The following PALM2AKAP2 variants were observed in gnomAD, a reference collection of about 807,000 sequenced individuals.
PALM2AKAP2 encodes the protein PALM2-AKAP2 fusion protein.
Under a neutral mutation model 71.5 loss-of-function variants are expected in PALM2AKAP2, and 37 were observed. The ratio of observed to expected loss-of-function variants is 0.52; its 90% CI spans 0.40 to 0.68. The LOEUF is 0.68. Among genes scored for constraint, PALM2AKAP2 ranks in the 30% least tolerant of loss-of-function variants. The pLI is 0.00. For missense variants in PALM2AKAP2, 1,224 were observed against 1,191.8 expected, an observed-to-expected ratio of 1.03 and a Z score of -0.40; for synonymous variants, 468 against 478.8, an observed-to-expected ratio of 0.98 and a Z score of 0.29.
At chr9:109,818,245 A>T (rs1827902396) in intron 1 of PALM2AKAP2, among the ~76,000 whole-genome samples, 1 of 151,924 alleles carries the variant, frequency 6.6e-6, no homozygotes, top group Non-Finnish European at 1.5e-5. Flanking sequence ...TTTTTTTTTG[A>T]CAAGTCAGCC....
intron 1 of PALM2AKAP2, among the ~76,000 whole-genome samples, chr9:110,110,810 G>C (rs746255743): frequency 7.2e-5 from 11 of 152,056 alleles, no homozygotes; most frequent in Non-Finnish European, 1.6e-4. Flanking sequence ...GCCTCCCAAA[G>C]TGCTGGGATT....
chr9:109,918,777 T>G (rs891855744), intron 3 of PALM2AKAP2, among the ~76,000 whole-genome samples: 3 of 152,232 alleles, frequency 2.0e-5, no homozygotes, highest in Non-Finnish European at 4.4e-5. Context: ...AGGCCACATG[T>G]GAACTTATAG....
intron 1 of PALM2AKAP2, among the ~76,000 whole-genome samples, chr9:109,855,658 G>T (rs182201807): frequency 1.3e-5 from 2 of 152,298 alleles, no homozygotes; most frequent in Admixed American, 1.3e-4. Context: ...CATTGCCTGA[G>T]TCCATCTAGA....
At chr9:109,655,094 C>T (rs1311500578) in intron 1 of PALM2AKAP2, among the ~76,000 whole-genome samples, 1 of 152,000 alleles carries the variant, frequency 6.6e-6, no homozygotes, top group Non-Finnish European at 1.5e-5. Flanking sequence ...TTGAGACCAT[C>T]CTGGCTGATG....
chr9:110,137,192 G>A (rs1433555605), exon 2 of PALM2AKAP2: 1 of 1,614,030 alleles, frequency 6.2e-7, no homozygotes, highest in Non-Finnish European at 8.5e-7. Context: ...CATTGTCACA[G>A]AGCAGATAGA....
intron 1 of PALM2AKAP2, among the ~76,000 whole-genome samples, chr9:109,756,920 G>T (rs1311005059): frequency 6.6e-6 from 1 of 152,182 alleles, no homozygotes; most frequent in African/African-American, 2.4e-5. Context: ...TCAAATCTGG[G>T]TATTTAAGAA....
chr9:110,084,835 A>C (rs1450614504), intron 1 of PALM2AKAP2, among the ~76,000 whole-genome samples: 2 of 151,934 alleles, frequency 1.3e-5, no homozygotes. Context: ...TCCCGGGTTC[A>C]AGCGATTCTC....
intron 1 of PALM2AKAP2, among the ~76,000 whole-genome samples, chr9:109,669,221 G>A (rs1297968911): frequency 2.0e-5 from 3 of 151,532 alleles, no homozygotes; most frequent in African/African-American, 7.3e-5. Flanking sequence ...TCTTCAGAAT[G>A]TTCTCATTTA....
chr9:110,055,186 T>TTTTATTTA (rs544781434), intron 1 of PALM2AKAP2, among the ~76,000 whole-genome samples: 18 of 151,324 alleles, frequency 1.2e-4, no homozygotes, highest in African/African-American at 4.4e-4. Flanking sequence ...TTTTTTAAAT[T>TTTTATTTA]TTTATTTATT....
chr9:110,170,432 T>C (rs1167077503), exon 4 of PALM2AKAP2: 1 of 152,578 alleles, frequency 6.6e-6, no homozygotes, highest in Non-Finnish European at 1.5e-5. Context: ...AGTGTTGACT[T>C]TGGGGGGGGA....
chr9:109,845,406 A>T (rs994536300), intron 1 of PALM2AKAP2, among the ~76,000 whole-genome samples: 3 of 152,224 alleles, frequency 2.0e-5, no homozygotes, highest in African/African-American at 7.2e-5. Context: ...TGCTCCATTA[A>T]CTAGATTCAG....
rs547910981 is a variant in PALM2AKAP2, at chr9:109,746,310, G to A, written c.6-34178G>A. ...GAATGCCAACAGGTTTGGAGGAATAGGAGTCACTTAGAAAAGCTAGCCAGA... is the reference window on the plus strand; with the variant it reads ...GAATGCCAACAGGTTTGGAGGAATAAGAGTCACTTAGAAAAGCTAGCCAGA... On this transcript the variant is annotated intron_variant, in intron 1 of 6. Transcript: ENST00000374531. Among the ~76,000 whole-genome samples, 27 of 152,286 alleles carry A rather than the reference G, an allele frequency of 1.8e-4. No individual in the cohort carries two copies. In the South Asian group the frequency reaches 4.4e-3, roughly 25 times the overall value.
intron 3 of PALM2AKAP2, among the ~76,000 whole-genome samples, chr9:109,893,684 G>C (rs1830137269): frequency 6.6e-6 from 1 of 152,168 alleles, no homozygotes; most frequent in Admixed American, 6.5e-5. Context: ...CTGAGCTCAA[G>C]TGATCCATCT....
intron 7 of PALM2AKAP2, among the ~76,000 whole-genome samples, chr9:110,029,214 A>C (rs1041362433): frequency 6.6e-6 from 1 of 152,240 alleles, no homozygotes; most frequent in South Asian, 2.1e-4. Context: ...CAGCAACAAC[A>C]AAAACCCTTT....
intron 1 of PALM2AKAP2, among the ~76,000 whole-genome samples, chr9:109,785,927 A>G (rs1007715): frequency 0.034 from 5,118 of 152,282 alleles, 99 homozygotes; most frequent in Non-Finnish European, 0.036. Flanking sequence ...ATGTGTCTCT[A>G]TGGAATATGC....
At chr9:109,709,579 G>T (rs766333826) in intron 1 of PALM2AKAP2, among the ~76,000 whole-genome samples, 9 of 152,192 alleles carry the variant, frequency 5.9e-5, no homozygotes, top group African/African-American at 1.4e-4. Context: ...CCCTGACCAT[G>T]TGTTGACTTC....
chr9:109,676,938 TG>T (rs1209305977), intron 1 of PALM2AKAP2, among the ~76,000 whole-genome samples: 14 of 152,168 alleles, frequency 9.2e-5, no homozygotes, highest in African/African-American at 3.4e-4. Flanking sequence ...ATTTAGTCAT[TG>T]ATTATCTTTG....
chr9:110,047,045 C>T (rs1450747641), upstream of PALM2AKAP2, among the ~76,000 whole-genome samples: 1 of 151,738 alleles, frequency 6.6e-6, no homozygotes, highest in African/African-American at 2.4e-5. Context: ...CATTTAATTC[C>T]TTAAATCGGA....
chr9:110,122,881 G>T (rs988273005), intron 1 of PALM2AKAP2, among the ~76,000 whole-genome samples: 2 of 152,084 alleles, frequency 1.3e-5, no homozygotes, highest in Admixed American at 1.3e-4. Flanking sequence ...GCAGCTAGAC[G>T]TTACCTGCTG....
Sources: allele counts gnomAD v4.1 joint callset (sites outside exome capture counted in the v4.1 genomes callset), GRCh38; gene constraint gnomAD v4.1.1; transcripts MANE v1.5; gene names NCBI Gene and HGNC (gene_info 2026-07-23, HGNC 2026-07-21).